Variants in SH3BP5 observed in about 807,000 individuals in gnomAD.
SH3BP5 encodes the protein SH3 domain binding protein 5.
Under a neutral mutation model 43.3 loss-of-function variants are expected in SH3BP5, and 22 were observed. The ratio of observed to expected loss-of-function variants is 0.51; its 90% CI spans 0.36 to 0.73. The LOEUF (loss-of-function observed/expected upper bound fraction) is 0.73, where lower values mean the gene tolerates loss of function less well. Among genes scored for constraint, SH3BP5 ranks in the 30% least tolerant of loss-of-function variants. The probability of loss-of-function intolerance (pLI) is 0.00; values close to 1 mark genes in which losing one functional copy is unlikely to be tolerated. For missense variants in SH3BP5, 529 were observed against 586.9 expected (o/e 0.90, Z 1.02); for synonymous variants, 255 against 225.8 (o/e 1.13, Z -1.16).
chr3:15,331,495 G>A (rs1698608456), intron 1 of SH3BP5, among the ~76,000 whole-genome samples: 1 of 152,130 alleles, frequency 6.6e-6, no homozygotes, highest in Non-Finnish European at 1.5e-5. Context: ...TTTTTGCTTA[G>A]GGGTGAAGAG....
chr3:15,284,578 T>C (rs1174034625), intron 3 of SH3BP5, among the ~76,000 whole-genome samples: 2 of 152,344 alleles, frequency 1.3e-5, no homozygotes, highest in African/African-American at 2.4e-5. Flanking sequence ...TATCTGTCAA[T>C]GGCCCCTTCC....
At chr3:15,310,986 C>T (rs548692170) in intron 2 of SH3BP5, among the ~76,000 whole-genome samples, 1 of 152,238 alleles carries the variant, frequency 6.6e-6, no homozygotes, top group East Asian at 1.9e-4. Context: ...TCTGGCCAAT[C>T]GCTCACCTGC....
chr3:15,279,788 G>C (rs1293681081), intron 3 of SH3BP5, among the ~76,000 whole-genome samples: 10 of 152,082 alleles, frequency 6.6e-5, no homozygotes, highest in Admixed American at 5.9e-4. Flanking sequence ...TCGGTTGGGG[G>C]CATCAGGGAA....
At chr3:15,309,202 C>G (rs1316529247) in intron 2 of SH3BP5, among the ~76,000 whole-genome samples, 1 of 152,100 alleles carries the variant, frequency 6.6e-6, no homozygotes, top group Non-Finnish European at 1.5e-5. Context: ...CCTCCATCAG[C>G]TAAAATACAT....
intron 2 of SH3BP5, among the ~76,000 whole-genome samples, chr3:15,314,094 T>G (rs539013800): frequency 4.6e-5 from 7 of 151,878 alleles, no homozygotes; most frequent in African/African-American, 1.7e-4. Context: ...AGAGCGAGAC[T>G]CTGTCTCAAA....
At chr3:15,314,183 A>G (rs1246308007) in intron 2 of SH3BP5, among the ~76,000 whole-genome samples, 1 of 151,740 alleles carries the variant, frequency 6.6e-6, no homozygotes, top group Non-Finnish European at 1.5e-5. Flanking sequence ...CCAGGGCTGG[A>G]GTGCAGTGGC....
At chr3:15,300,507 C>A (rs111625004) in intron 3 of SH3BP5, among the ~76,000 whole-genome samples, 2 of 10,528 alleles carry the variant, frequency 1.9e-4, no homozygotes, top group East Asian at 0.015. Context: ...GAAGCGGGGG[C>A]GGGGGGACAA....
At chr3:15,337,378 A>G (rs578206558), upstream of SH3BP5, among the ~76,000 whole-genome samples, 3 of 152,248 alleles carry the variant, frequency 2.0e-5, no homozygotes, top group Admixed American at 6.5e-5. Flanking sequence ...CCCGGCCAAG[A>G]GTTTTTATTT....
At chr3:15,283,879 T>C (rs1434486702) in intron 3 of SH3BP5, among the ~76,000 whole-genome samples, 1 of 152,136 alleles carries the variant, frequency 6.6e-6, no homozygotes, top group African/African-American at 2.4e-5. Flanking sequence ...CTCTACTATA[T>C]GCCAGGTGTG....
At chr3:15,265,175 C>G (rs139514917) in intron 4 of SH3BP5, among the ~76,000 whole-genome samples, 2 of 152,260 alleles carry the variant, frequency 1.3e-5, no homozygotes, top group African/African-American at 4.8e-5. Context: ...CAGGCCACGT[C>G]TACCACATCC....
chr3:15,305,474 G>A (rs1697877524), intron 2 of SH3BP5, among the ~76,000 whole-genome samples: 1 of 152,210 alleles, frequency 6.6e-6, no homozygotes, highest in African/African-American at 2.4e-5. Flanking sequence ...ATTACAGCCC[G>A]TTCCAGAAAA....
At chr3:15,280,283 T>C (rs1229613990) in intron 3 of SH3BP5, among the ~76,000 whole-genome samples, 1 of 151,974 alleles carries the variant, frequency 6.6e-6, no homozygotes, top group Admixed American at 6.5e-5. Flanking sequence ...CCTCCCGCTC[T>C]CACCTTCATG....
chr3:15,306,054 T>TAAAAAAAAAAAAAAAA (rs60186514), intron 2 of SH3BP5, among the ~76,000 whole-genome samples: 2 of 137,032 alleles, frequency 1.5e-5, no homozygotes, highest in African/African-American at 2.9e-5. Context: ...TGCATGAGTT[T>TAAAAAAAAAAAAAAAA]AAAAAAAAAA....
chr3:15,332,330 C>A lies in SH3BP5; in HGVS notation c.79G>T (p.Glu27Ter). ...LPPARDEEEE[E>*]EEGMEQGLEE... is the part of the protein sequence containing the mutation. ...AGCCCCTGCTCCATCCCCTCTTCCT[C>A]CTCCTCCTCCTCGTCCCGGGCAGGC... is the stretch of plus-strand genomic sequence containing the variant. Residue 27 changes from glutamate (E) to a stop codon, truncating the protein, a stop_gained, in exon 1 of 9, where the codon GAG becomes TAG. Transcript: ENST00000383791. LOFTEE classifies it high-confidence loss of function. The A allele has an allele frequency of 6.5e-7, 1 of 1,543,714 alleles. No individual in the cohort carries two copies.
chr3:15,268,417 C>T (rs553511983), intron 4 of SH3BP5, among the ~76,000 whole-genome samples: 163 of 152,290 alleles, frequency 1.1e-3, no homozygotes, highest in African/African-American at 3.4e-3. Flanking sequence ...CCCGTACCCG[C>T]GCCGTCCAGG....
intron 2 of SH3BP5, among the ~76,000 whole-genome samples, chr3:15,321,551 C>G (rs147591622): frequency 6.6e-6 from 1 of 151,880 alleles, no homozygotes; most frequent in African/African-American, 2.4e-5. Context: ...CATTCCCCAC[C>G]CCCATCCCAT....
At chr3:15,298,717 T>C (rs2125104613) in intron 3 of SH3BP5, among the ~76,000 whole-genome samples, 1 of 152,312 alleles carries the variant, frequency 6.6e-6, no homozygotes, top group East Asian at 1.9e-4. Flanking sequence ...TATTGTATGA[T>C]TCCTCAGTAC....
At chr3:15,340,306 A>G (rs569341022) in intron 1 of SH3BP5, among the ~76,000 whole-genome samples, 2 of 152,302 alleles carry the variant, frequency 1.3e-5, no homozygotes, top group African/African-American at 4.8e-5. Flanking sequence ...TTTTTCTTGT[A>G]TTTTAAAAAT....
At chr3:15,329,641 C>T (rs1342311548) in intron 2 of SH3BP5, among the ~76,000 whole-genome samples, 1 of 152,220 alleles carries the variant, frequency 6.6e-6, no homozygotes, top group Non-Finnish European at 1.5e-5. Context: ...TCTTAGGGAC[C>T]ATGTGCTTCT....
Sources: gnomAD v4.1 joint callset for allele counts (sites outside exome capture counted in the v4.1 genomes callset) on GRCh38, gnomAD v4.1.1 for gene constraint, MANE v1.5 for transcripts, NCBI Gene and HGNC (gene_info 2026-07-23, HGNC 2026-07-21) for gene names.